The following TRIP13 variants were observed in gnomAD, a reference collection of about 807,000 sequenced individuals.
TRIP13 encodes pachytene checkpoint protein 2 homolog.
A neutral mutation model predicts 54.4 loss-of-function variants in TRIP13; 25 were observed. The ratio of observed to expected loss-of-function variants is 0.46; its 90% CI spans 0.33 to 0.64. The LOEUF (loss-of-function observed/expected upper bound fraction) is 0.64, where lower values mean the gene tolerates loss of function less well. TRIP13 is among the 30% of genes least tolerant of loss of function. The pLI is 0.02. For synonymous variants in TRIP13, 207 were observed against 207.8 expected, an observed-to-expected ratio of 1.00 and a Z score of 0.03; for missense variants, 373 against 534.2, an observed-to-expected ratio of 0.70 and a Z score of 2.97.
In TRIP13 at chr5:892,970, G is replaced by C. The variant is rs1270132306; in HGVS notation, c.-29G>C. 16 of 1,506,622 alleles carry C rather than the reference G, an allele frequency of 1.1e-5. No individual in the cohort carries two copies. The highest frequency in any genetic ancestry group is 1.4e-5 in the African/African-American group (1 of 69,046). The allele number at this position is 1,506,622 out of a possible 1,614,324, so 93.3% of individuals were successfully genotyped here. ...GTGAGGTGGCGGCGGCCGCGCCCTGGTTGGGTCCCCACTGCTCTCGGGGGC... is the reference window on the plus strand; with the variant it reads ...GTGAGGTGGCGGCGGCCGCGCCCTGCTTGGGTCCCCACTGCTCTCGGGGGC... On this transcript the variant is annotated 5_prime_UTR_variant, in exon 1 of 13. Coordinates refer to ENST00000166345, the MANE Select transcript of TRIP13 (RefSeq NM_004237.4).
rs1580060407 is a variant in TRIP13, at chr5:911,765, C to G, written c.867-78C>G. 4 of 1,521,180 alleles carry G rather than the reference C, an allele frequency of 2.6e-6. No homozygotes were observed. The highest frequency in any genetic ancestry group is 1.3e-5 in the South Asian group (1 of 77,698). The allele number at this position is 1,521,180 out of a possible 1,614,324, so 94.2% of individuals were successfully genotyped here. On this transcript the variant is annotated intron_variant, in intron 9 of 12. Transcript: ENST00000166345. The surrounding 1 kb of genome is among the most constrained non-coding windows in gnomAD (Gnocchi z 4.7). ...CTGCTGGCCATCGTCCTGCCAACCT[C>G]CTTGCCAGATAGGGCAGGATAGAAT...
chr5:912,429 G>T lies in TRIP13; in HGVS notation c.1020+433G>T, dbSNP rs1754255731. On this transcript the variant is annotated intron_variant, in intron 10 of 12. Coordinates refer to ENST00000166345, the MANE Select transcript of TRIP13 (RefSeq NM_004237.4). This position sits in a 1 kb window ranked among gnomAD's most constrained non-coding sequence, Gnocchi z 7.2. ...GGTCACGGGGTCCACATGACGTCAC[G>T]TTCTTGAGTCGCCTGTTGTGATGAT... 1.3e-5 allele frequency among the ~76,000 whole-genome samples: 2 copies of T among 152,100 alleles called. No homozygotes were observed.
rs370473260 is a variant in TRIP13 at position 895,024 on chromosome 5, G to A, written c.258+72G>A. 1.0e-5 allele frequency: 15 copies of A among 1,475,414 alleles called. 1 individual carries two copies. Among genetic ancestry groups the A allele is most frequent in the South Asian group, 5.5e-5 (4 of 73,304 alleles). 91.4% of individuals were successfully genotyped at this position (1,475,414 alleles called of 1,614,324 possible). On this transcript the variant is annotated intron_variant, in intron 2 of 12. Coordinates refer to ENST00000166345, the MANE Select transcript of TRIP13 (RefSeq NM_004237.4). Reference sequence around the variant, plus strand: ...AAGGTTGTATCATGAATGTCTTGCCGTTTTCATAGCCTGTTGTCAGAAACA... The same window carrying A: ...AAGGTTGTATCATGAATGTCTTGCCATTTTCATAGCCTGTTGTCAGAAACA...
At chr5:906,812 T>C (rs1482355917) in intron 6 of TRIP13, among the ~76,000 whole-genome samples, 3 of 152,238 alleles carry the variant, frequency 2.0e-5, no homozygotes, top group Admixed American at 2.0e-4. Flanking sequence ...TTGATGCTTC[T>C]ATTTTGTTTT....
In TRIP13 at chr5:907,054, A is replaced by G; in HGVS notation, c.609-76A>G. On this transcript the variant is annotated intron_variant, in intron 6 of 12. Transcript: ENST00000166345. The surrounding 1 kb of genome is among the most constrained non-coding windows in gnomAD (Gnocchi z 4.1). The stretch of plus-strand genomic sequence containing the variant: ...GCTGGGCACTTGAGATGTTGCATTC[A>G]GGACGCGTGAATGGCTGCCGCTGAG... 1 of 1,248,310 alleles carries G rather than the reference A, an allele frequency of 8.0e-7. No individual in the cohort carries two copies. The highest frequency in any genetic ancestry group is 1.2e-6 in the Non-Finnish European group (1 of 852,980). 77.3% of individuals were successfully genotyped at this position (1,248,310 alleles called of 1,614,324 possible).
In TRIP13 at chr5:912,488, G is replaced by A. The variant is rs529545079; in HGVS notation, c.1020+492G>A. On this transcript the variant is annotated intron_variant, in intron 10 of 12. Transcript: ENST00000166345. This position sits in a 1 kb window ranked among gnomAD's most constrained non-coding sequence, Gnocchi z 7.2. Reference sequence around the variant, plus strand: ...ACACTGTTGCCGTGGGCAGAGCGACGCGTGCGGGTTGTGTGTGTGAGTCAG... The same window carrying A: ...ACACTGTTGCCGTGGGCAGAGCGACACGTGCGGGTTGTGTGTGTGAGTCAG... Among the ~76,000 whole-genome samples, 3 of 152,234 alleles carry A rather than the reference G, an allele frequency of 2.0e-5. No individual in the cohort carries two copies. The highest frequency in any genetic ancestry group is 3.9e-4 in the East Asian group (2 of 5,172).
Position 892,994 on chromosome 5 carries a change from G to A in TRIP13, c.-5G>A. 1.9e-6 allele frequency: 3 copies of A among 1,565,852 alleles called. 1 individual carries two copies. In the South Asian group the frequency reaches 3.5e-5, roughly 18 times the overall value. On this transcript the variant is annotated 5_prime_UTR_variant, in exon 1 of 13. Coordinates refer to ENST00000166345, the MANE Select transcript of TRIP13 (RefSeq NM_004237.4). ...GGTTGGGTCCCCACTGCTCTCGGGG[G>A]CGCCATGGACGAGGCCGTGGGCGAC... is the stretch of plus-strand genomic sequence containing the variant.
Position 917,213 on chromosome 5 carries a change from CT to C in TRIP13, c.*112del. On this transcript the variant is annotated 3_prime_UTR_variant, in exon 13 of 13. Coordinates refer to ENST00000166345, the MANE Select transcript of TRIP13 (RefSeq NM_004237.4). ...AATCCCTTCTGCAAACCAAACGTTA[CT>C]TAGACTGCAAGCTAGAAAGCCACCA... The C allele has an allele frequency of 1.0e-6, 1 of 987,764 alleles. No individual in the cohort carries two copies. Among genetic ancestry groups the C allele is most frequent in the Non-Finnish European group, 1.5e-6 (1 of 670,840 alleles). The allele number at this position is 987,764 out of a possible 1,614,324, so 61.2% of individuals were successfully genotyped here. A position where few individuals can be genotyped will look rare whatever the true frequency, so the allele number is the denominator to read the frequency against.
At chr5:903,303 A>ATTT (rs1430602809) in intron 5 of TRIP13, among the ~76,000 whole-genome samples, 1 of 152,136 alleles carries the variant, frequency 6.6e-6, no homozygotes, top group Non-Finnish European at 1.5e-5. Flanking sequence ...GGCATAACAG[A>ATTT]AGGCTCGCAC....
chr5:909,961 A>G (rs1754196790), intron 9 of TRIP13, among the ~76,000 whole-genome samples: 3 of 152,220 alleles, frequency 2.0e-5, no homozygotes, highest in Admixed American at 2.0e-4. Flanking sequence ...TATGGCCATC[A>G]TGAACATGTC....
intron 9 of TRIP13, among the ~76,000 whole-genome samples, chr5:910,591 C>T (rs1011577761): frequency 6.6e-6 from 1 of 152,214 alleles, no homozygotes; most frequent in Non-Finnish European, 1.5e-5. Flanking sequence ...CGTGACTTCT[C>T]CCTGTCAGTC....
intron 6 of TRIP13, among the ~76,000 whole-genome samples, chr5:906,086 C>T (rs924995611): frequency 6.6e-6 from 1 of 152,118 alleles, no homozygotes; most frequent in Non-Finnish European, 1.5e-5. Context: ...GGAGCACATG[C>T]CTGTGGTCCC....
intron 2 of TRIP13, 110 bp from the exon 3 acceptor site, chr5:896,555 T>C: frequency 1.7e-6 from 2 of 1,189,538 alleles, no homozygotes; most frequent in South Asian, 3.4e-5. Context: ...CTAGCTTTGA[T>C]TATACTGTAC....
At chr5:896,835 G>C (rs1161087222) in intron 3 of TRIP13, 41 bp downstream of exon 3, 4 of 1,602,778 alleles carry the variant, frequency 2.5e-6, no homozygotes, top group Non-Finnish European at 3.4e-6. Context: ...GCTGAGGTCA[G>C]AGGATTGTAT....
At chr5:916,938 G>A (rs1754353298) in intron 12 of TRIP13, 70 bp from the exon 13 acceptor site, 2 of 1,445,080 alleles carry the variant, frequency 1.4e-6, no homozygotes, top group African/African-American at 2.8e-5. Context: ...TGGCGGCAGG[G>A]GCTGTGGATG....
chr5:900,524 T>C lies in TRIP13; in HGVS notation c.419T>C (p.Val140Ala). The stretch of plus-strand genomic sequence containing the variant: ...TTCCATGGGCTTTGGGACAGCTTGG[T>C]ATACGATGTGGAAGTCAAATCCCAT... Reference protein sequence around the residue: ...AEFHGLWDSLVYDVEVKSHLL... With the variant: ...AEFHGLWDSLAYDVEVKSHLL... Residue 140 changes from valine (V) to alanine (A), a missense_variant, in exon 4 of 13, where the codon GTA (valine) becomes GCA (alanine). Around this residue, in one of 4 missense-constraint regions of TRIP13, gnomAD observed 119 missense variants for 223.0 expected, o/e 0.53. Transcript: ENST00000166345. 1 of 1,611,992 alleles carries C rather than the reference T, an allele frequency of 6.2e-7. No individual in the cohort carries two copies. The highest frequency in any genetic ancestry group is 8.5e-7 in the Non-Finnish European group (1 of 1,179,606).
In TRIP13 at chr5:908,088, G is replaced by A; in HGVS notation, c.759+14G>A. The A allele has an allele frequency of 6.2e-7, 1 of 1,613,454 alleles. No homozygotes were observed. The highest frequency in any genetic ancestry group is 8.5e-7 in the Non-Finnish European group (1 of 1,179,328). On this transcript the variant is annotated intron_variant, in intron 8 of 12. Transcript: ENST00000166345. The surrounding 1 kb of genome is among the most constrained non-coding windows in gnomAD (Gnocchi z 5.2). ...CTGATTGATGAGGTAGGCATTTCCA[G>A]ATAAGGAAATTCATGACAGAATCGC...
intron 6 of TRIP13, 26 bp downstream of exon 6, chr5:904,246 A>C: frequency 6.3e-7 from 1 of 1,582,364 alleles, no homozygotes; most frequent in Non-Finnish European, 8.6e-7. Flanking sequence ...CTGTGAGAGG[A>C]GAGCCATGGG....
chr5:904,296 A>G, intron 6 of TRIP13, 76 bp downstream of exon 6: 1 of 1,186,624 alleles, frequency 8.4e-7, no homozygotes, highest in East Asian at 2.4e-5. Flanking sequence ...TTTTTTTTCT[A>G]AATCATTTTA....
Sources: gnomAD v4.1 joint callset for allele counts (sites outside exome capture counted in the v4.1 genomes callset) on GRCh38, gnomAD v4.1.1 for gene constraint, gnomAD v4.1.1 regional missense constraint, Gnocchi (gnomAD v3.1) non-coding constraint, MANE v1.5 for transcripts, NCBI Gene and HGNC (gene_info 2026-07-23, HGNC 2026-07-21) for gene names.